CSTF2: variants seen among roughly 807,000 people sequenced by gnomAD.
The protein encoded by CSTF2 is cleavage stimulation factor subunit 2.
CSTF2 carries 8 observed loss-of-function variants against 45.4 expected under a neutral mutation model. The observed-to-expected ratio is 0.18, with a 90% CI of 0.10 to 0.32. The LOEUF (loss-of-function observed/expected upper bound fraction) is 0.32, where lower values mean the gene tolerates loss of function less well. Ranked by LOEUF, CSTF2 falls within the 10% of genes least tolerant of loss-of-function variation. CSTF2 has a pLI of 1.00. For missense variants in CSTF2, 253 were observed against 477.1 expected (o/e 0.53, Z 4.38); for synonymous variants, 155 against 158.9 (o/e 0.98, Z 0.18).
rs140930578 is a variant in CSTF2 at position 100,838,126 on chromosome X, A to C, written c.1612-113A>C. On this transcript the variant is annotated intron_variant, in intron 12 of 13. Coordinates refer to ENST00000372972, the MANE Select transcript of CSTF2 (RefSeq NM_001325.3). ...TCTTCCTTTTTCCATTTTGCTTCAT[A>C]TCCCACTACAGTAGCTTTTTGGACA... 3.6e-3 allele frequency: 2,674 copies of C among 743,811 alleles called. 54 individuals are homozygous for C. The African/African-American group carries it at 0.051, about 14-fold the overall frequency. The allele number at this position is 743,811 out of a possible 1,213,427, so 61.3% of individuals were successfully genotyped here. A position where few individuals can be genotyped will look rare whatever the true frequency, so the allele number is the denominator to read the frequency against.
chrX:100,822,621 A>G (rs1465811365), intron 3 of CSTF2: 2 of 416,191 alleles, frequency 4.8e-6, no homozygotes, highest in African/African-American at 2.5e-5. Context: ...TTTTCAAGTA[A>G]TTGTCTGAAA....
intron 8 of CSTF2, chrX:100,830,976 AGT>A: frequency 1.5e-6 from 1 of 647,048 alleles, no homozygotes; most frequent in Non-Finnish European, 2.3e-6. Context: ...CCAAAAGGGT[AGT>A]GTTTTTGGGT....
At position 100,831,551 on chromosome X, in the gene CSTF2, G is replaced by C; in HGVS notation, c.926G>C (p.Gly309Ala). The C allele has an allele frequency of 8.3e-7, 1 of 1,211,588 alleles. No individual in the cohort carries two copies. The highest frequency in any genetic ancestry group is 1.1e-6 in the Non-Finnish European group (1 of 895,303). Reference protein sequence around the residue: ...MQDPRAAMQRGSLPANVPTPR... With the variant: ...MQDPRAAMQRASLPANVPTPR... ...GACCCCAGAGCAGCTATGCAGCGGG[G>C]ATCCTTGCCTGCGAATGTCCCAACC... The change falls in exon 9 of 14, where the codon GGA (glycine) becomes GCA (alanine). Residue 309 changes from glycine (G) to alanine (A), a missense_variant. This residue lies in a region of CSTF2 where 200 missense variants were observed against 294.0 expected (regional missense o/e 0.68). Transcript: ENST00000372972.
At chrX:100,838,431 C>T in intron 13 of CSTF2, 67 bp downstream of exon 13, 1 of 1,019,450 alleles carries the variant, frequency 9.8e-7, no homozygotes, top group Non-Finnish European at 1.3e-6. Flanking sequence ...ATACTTTTAA[C>T]CTTAACCAAC....
chrX:100,833,493 T>A, intron 11 of CSTF2, 21 bp downstream of exon 11: 1 of 1,180,861 alleles, frequency 8.5e-7, no homozygotes, highest in East Asian at 3.0e-5. Context: ...CACTGACTTC[T>A]GGCATCCAAG....
chrX:100,832,674 G>T (rs1602371030), intron 9 of CSTF2, 60 bp from the exon 10 acceptor site: 3 of 1,059,384 alleles, frequency 2.8e-6, no homozygotes, highest in Admixed American at 5.4e-5. Flanking sequence ...TACTGATCTG[G>T]TTGGTACTTT....
rs751101744 is a variant in CSTF2, at chrX:100,820,619, T to C, written c.58+145T>C. ...TAGGGCGTCCAACCTGGTGGACTCA[T>C]GAGCAAAGAGATATTCCCATTCTGC... On this transcript the variant is annotated intron_variant, in intron 1 of 13. Transcript: ENST00000372972. The C allele has an allele frequency of 3.5e-4, 213 of 602,108 alleles. 4 individuals carry two copies. The East Asian group carries it at 7.3e-3, about 21-fold the overall frequency. 49.6% of individuals were successfully genotyped at this position (602,108 alleles called of 1,213,427 possible). A position where few individuals can be genotyped will look rare whatever the true frequency, so the allele number is the denominator to read the frequency against.
chrX:100,840,234 A>G (rs113280965), intron 13 of CSTF2, among the ~76,000 whole-genome samples: 14 of 112,117 alleles, frequency 1.2e-4, no homozygotes, highest in African/African-American at 2.9e-4. Context: ...CCTCCATCCT[A>G]TACCTAGCTA....
intron 11 of CSTF2, among the ~76,000 whole-genome samples, chrX:100,836,171 A>G (rs2085007147): frequency 8.9e-6 from 1 of 112,082 alleles, no homozygotes; most frequent in South Asian, 3.7e-4. Context: ...ATGTAAGTGA[A>G]TGTTCCAGAT....
At position 100,822,260 on chromosome X, in the gene CSTF2, C is replaced by T. The variant is rs766161610; in HGVS notation, c.147C>T (p.Tyr49=). The T allele has an allele frequency of 2.5e-5, 30 of 1,207,129 alleles. No individual in the cohort carries two copies. The highest frequency in any genetic ancestry group is 7.0e-5 in the African/African-American group (4 of 56,960). ...TGGTTCTGCTCTCCAGATTGGTATA[C>T]GATAGAGAGACAGGAAAGCCAAAGG... is the stretch of plus-strand genomic sequence containing the variant. ...VGPVVSFRLV[Y]DRETGKPKGY... The change falls in exon 3 of 14, where the codon TAC becomes TAT. Residue 49 remains tyrosine, a synonymous_variant. Coordinates refer to ENST00000372972, the MANE Select transcript of CSTF2 (RefSeq NM_001325.3).
At chrX:100,834,806 C>T (rs1420465154) in intron 11 of CSTF2, among the ~76,000 whole-genome samples, 1 of 112,087 alleles carries the variant, frequency 8.9e-6, no homozygotes, top group Non-Finnish European at 1.9e-5. Context: ...AGACAGATAA[C>T]AAACAAATAA....
chrX:100,835,082 C>G (rs754083156), intron 11 of CSTF2, among the ~76,000 whole-genome samples: 2 of 110,153 alleles, frequency 1.8e-5, no homozygotes, highest in African/African-American at 6.6e-5. Context: ...TATATATATT[C>G]GTTCATCTAT....
At chrX:100,831,801 A>G (rs1569440230) in intron 9 of CSTF2, 145 bp downstream of exon 9, 1 of 572,393 alleles carries the variant, frequency 1.7e-6, no homozygotes, top group East Asian at 3.5e-5. Flanking sequence ...AAGGGTAAGC[A>G]CTTCTCCTAA....
At chrX:100,828,613 T>C (rs2084957476) in intron 8 of CSTF2, among the ~76,000 whole-genome samples, 1 of 112,261 alleles carries the variant, frequency 8.9e-6, no homozygotes. Context: ...CTGTAACGCC[T>C]ACTTAATGAA....
In CSTF2 at chrX:100,822,377, A is replaced by C. The variant is rs1326008296; in HGVS notation, c.264A>C (p.Arg88=). Residue 88 remains arginine, a synonymous_variant, in exon 3 of 14, where the codon CGA becomes CGC. Coordinates refer to ENST00000372972, the MANE Select transcript of CSTF2 (RefSeq NM_001325.3). ...GCGAATTCAGTGGGAGAGCACTTCG[A>C]GTGGACAATGCTGCCAGTGAAAAGA... is the stretch of plus-strand genomic sequence containing the variant. ...NGREFSGRAL[R]VDNAASEKNK... The C allele has an allele frequency of 5.0e-6, 6 of 1,209,705 alleles. No individual in the cohort carries two copies. In the Admixed American group the frequency reaches 1.3e-4, roughly 26 times the overall value.
In CSTF2 at chrX:100,821,538, C is replaced by T; in HGVS notation, c.70C>T (p.Pro24Ser). ...ATTTTCTTCCTTAGTGGGGAACATT[C>T]CTTATGAAGCTACTGAAGAGCAGTT... ...SLRSVFVGNI[P>S]YEATEEQLKD... Residue 24 changes from proline (P) to serine (S), a missense_variant, in exon 2 of 14, where the codon CCT (proline) becomes TCT (serine). Around this residue, in one of 3 missense-constraint regions of CSTF2, gnomAD observed 45 missense variants for 147.5 expected, o/e 0.31. Transcript: ENST00000372972. The T allele has an allele frequency of 3.3e-6, 4 of 1,199,558 alleles. No homozygotes were observed. The highest frequency in any genetic ancestry group is 4.5e-6 in the Non-Finnish European group (4 of 884,847).
intron 6 of CSTF2, among the ~76,000 whole-genome samples, chrX:100,826,291 CTTTTTT>C (rs771545462): frequency 2.9e-5 from 2 of 67,975 alleles, no homozygotes; most frequent in Non-Finnish European, 5.6e-5. Context: ...GGGTTTAGGG[CTTTTTT>C]TTTTTTTTTT....
At chrX:100,829,968 A>C (rs1183430606) in intron 8 of CSTF2, among the ~76,000 whole-genome samples, 2 of 112,347 alleles carry the variant, frequency 1.8e-5, no homozygotes, top group Admixed American at 9.4e-5. Context: ...TGCAGAGACT[A>C]AGTGAGATGA....
At chrX:100,823,533 C>G in intron 4 of CSTF2, 105 bp downstream of exon 4, 1 of 883,293 alleles carries the variant, frequency 1.1e-6, no homozygotes, top group East Asian at 3.3e-5. Flanking sequence ...TGTAGACCAC[C>G]ATTTCTTGCA....
Sources: gnomAD v4.1 joint callset for allele counts (sites outside exome capture counted in the v4.1 genomes callset) on GRCh38, gnomAD v4.1.1 for gene constraint, gnomAD v4.1.1 regional missense constraint, MANE v1.5 for transcripts, NCBI Gene and HGNC (gene_info 2026-07-23, HGNC 2026-07-21) for gene names.